GPC3: variants seen among roughly 807,000 people sequenced by gnomAD.
GPC3 encodes glypican 3, also known as glypican-3.
A neutral mutation model predicts 34.4 loss-of-function variants in GPC3; 3 were observed. The ratio of observed to expected loss-of-function variants is 0.09; its 90% CI spans 0.04 to 0.23. The LOEUF is 0.23. GPC3 is among the 10% of genes least tolerant of loss of function. The pLI is 1.00. For synonymous variants in GPC3, 177 were observed against 174.0 expected (o/e 1.02, Z -0.13); for missense variants, 351 against 445.6 (o/e 0.79, Z 1.91).
At chrX:133,678,712 G>A (rs2124417573) in intron 5 of GPC3, among the ~76,000 whole-genome samples, 1 of 112,052 alleles carries the variant, frequency 8.9e-6, no homozygotes, top group Non-Finnish European at 1.9e-5. Flanking sequence ...GTTTGAAAAA[G>A]CTGGGTTATC....
intron 3 of GPC3, among the ~76,000 whole-genome samples, chrX:133,726,383 G>A (rs2071407915): frequency 9.0e-6 from 1 of 111,660 alleles, no homozygotes; most frequent in South Asian, 3.8e-4. Context: ...CACTGAAAAA[G>A]CAAATAATGA....
chrX:133,780,108 C>G (rs1341868635), intron 2 of GPC3, among the ~76,000 whole-genome samples: 1 of 111,414 alleles, frequency 9.0e-6, no homozygotes, highest in Non-Finnish European at 1.9e-5. Flanking sequence ...AGACGCCATG[C>G]TAGGAGGTTT....
At chrX:133,969,273 A>C (rs909210374) in intron 1 of GPC3, among the ~76,000 whole-genome samples, 2 of 111,692 alleles carry the variant, frequency 1.8e-5, no homozygotes, top group South Asian at 7.6e-4. Context: ...TCAATTATCC[A>C]GTAAACTGAA....
At chrX:133,881,118 C>G (rs372818077) in intron 2 of GPC3, among the ~76,000 whole-genome samples, 26 of 112,220 alleles carry the variant, frequency 2.3e-4, no homozygotes, top group East Asian at 2.0e-3. Flanking sequence ...TGGAATGAAG[C>G]CTTAAACCCC....
intron 6 of GPC3, among the ~76,000 whole-genome samples, chrX:133,612,201 G>T (rs2070119714): frequency 8.9e-6 from 1 of 111,744 alleles, no homozygotes; most frequent in African/African-American, 3.3e-5. Flanking sequence ...CTGTTTCTAG[G>T]TATGCCCGCC....
At chrX:133,839,463 AT>A (rs1284669019) in intron 2 of GPC3, among the ~76,000 whole-genome samples, 1 of 111,559 alleles carries the variant, frequency 9.0e-6, no homozygotes, top group Admixed American at 9.5e-5. Context: ...AATATACACA[AT>A]TTTTTTGGTC....
At chrX:133,558,821 T>G (rs1174055459) in intron 7 of GPC3, among the ~76,000 whole-genome samples, 1 of 107,278 alleles carries the variant, frequency 9.3e-6, no homozygotes, top group Non-Finnish European at 1.9e-5. Context: ...ATCCGGGAGG[T>G]GGAGGTTGCA....
intron 4 of GPC3, among the ~76,000 whole-genome samples, chrX:133,696,698 A>AG (rs1173514254): frequency 8.9e-6 from 1 of 112,250 alleles, no homozygotes. Context: ...GGGAAAAAAA[A>AG]GAGGATAGAA....
At chrX:133,724,227 G>T (rs1356135372) in intron 3 of GPC3, among the ~76,000 whole-genome samples, 1 of 112,037 alleles carries the variant, frequency 8.9e-6, no homozygotes, top group Non-Finnish European at 1.9e-5. Flanking sequence ...GCGTTTGCTC[G>T]CAGTCTTTAC....
In GPC3 at chrX:133,546,662, C is replaced by T. The variant is rs1470965244; in HGVS notation, c.1574-10369G>A. On this transcript the variant is annotated intron_variant, in intron 7 of 7. Coordinates refer to ENST00000370818, the MANE Select transcript of GPC3 (RefSeq NM_004484.4). The stretch of plus-strand genomic sequence containing the variant: ...ACAACATTGTAAATGAAATTAACAC[C>T]ACTGAATTGTATACTTTAAAATGGT... Among the ~76,000 whole-genome samples, 3 of 111,489 alleles carry T rather than the reference C, an allele frequency of 2.7e-5. No homozygotes were observed. The East Asian group carries it at 8.5e-4, about 31-fold the overall frequency.
rs2267507 is a variant in GPC3 at position 133,788,311 on chromosome X, A to C, written c.338-34135T>G. ...GAAAAGACCTAGAAGGTGGAGAGATATAAAAACTTGAGCTTAAAGAGCTAT... is the reference window on the plus strand; with the variant it reads ...GAAAAGACCTAGAAGGTGGAGAGATCTAAAAACTTGAGCTTAAAGAGCTAT... On this transcript the variant is annotated intron_variant, in intron 2 of 7. Transcript: ENST00000370818. Among the ~76,000 whole-genome samples the C allele has an allele frequency of 9.3e-5, 10 of 107,432 alleles. No homozygotes were observed. In the East Asian group the frequency reaches 3.0e-3, roughly 32 times the overall value. 93.3% of individuals were successfully genotyped at this position (107,432 alleles called of 115,157 possible). A position where few individuals can be genotyped will look rare whatever the true frequency, so the allele number is the denominator to read the frequency against.
At chrX:133,890,668 C>T (rs1376403223) in intron 2 of GPC3, among the ~76,000 whole-genome samples, 1 of 109,633 alleles carries the variant, frequency 9.1e-6, no homozygotes, top group East Asian at 2.8e-4. Context: ...GACCAGACTG[C>T]CCAAAATGGT....
chrX:133,638,263 C>T (rs773285545), intron 6 of GPC3, among the ~76,000 whole-genome samples: 1 of 111,808 alleles, frequency 8.9e-6, no homozygotes, highest in Admixed American at 9.5e-5. Flanking sequence ...AAGAGAAAAA[C>T]CGATTACCTG....
intron 2 of GPC3, among the ~76,000 whole-genome samples, chrX:133,815,630 A>T (rs2075687944): frequency 8.9e-6 from 1 of 112,446 alleles, no homozygotes; most frequent in African/African-American, 3.2e-5. Flanking sequence ...CCAATTTTTC[A>T]AGAGACCTGA....
chrX:133,983,814 C>T (rs2076552007), intron 1 of GPC3, among the ~76,000 whole-genome samples: 2 of 111,918 alleles, frequency 1.8e-5, no homozygotes, highest in East Asian at 5.6e-4. Context: ...CCTGCACATG[C>T]CCACGTGGTA....
intron 5 of GPC3, among the ~76,000 whole-genome samples, chrX:133,688,155 G>C (rs374070806): frequency 2.7e-5 from 3 of 112,211 alleles, no homozygotes; most frequent in Admixed American, 9.4e-5. Flanking sequence ...TCTGTAGTTT[G>C]ACAAAGGCAG....
chrX:133,908,538 C>T (rs2076181360), intron 2 of GPC3, among the ~76,000 whole-genome samples: 1 of 111,761 alleles, frequency 8.9e-6, no homozygotes, highest in Admixed American at 9.5e-5. Context: ...AAAGTAAAAG[C>T]TAATTATCCC....
chrX:133,884,676 G>C (rs1425490677), intron 2 of GPC3, among the ~76,000 whole-genome samples: 1 of 111,341 alleles, frequency 9.0e-6, no homozygotes, highest in Non-Finnish European at 1.9e-5. Context: ...GAGAACTTCA[G>C]GAATATTAAC....
rs1176444823 is a variant in GPC3, at chrX:133,661,733, G to C, written c.1410C>G (p.Asn470Lys). The C allele has an allele frequency of 4.4e-6, 5 of 1,140,899 alleles. No homozygotes were observed. In the South Asian group the frequency reaches 9.1e-5, roughly 21 times the overall value. 94.0% of individuals were successfully genotyped at this position (1,140,899 alleles called of 1,213,427 possible). ...TTATTTTTTATATTCCACATACCTG[G>C]TTAATGTGCTTCAGTTTGTCAATAA... ...SQIIDKLKHI[N>K]QLLRTMSMPK... The change falls in exon 6 of 8, where the codon AAC becomes AAG. Residue 470 changes from asparagine to lysine, a missense_variant. By Grantham distance (94) the Asn-to-Lys change is moderately conservative (BLOSUM62 0). Coordinates refer to ENST00000370818, the MANE Select transcript of GPC3 (RefSeq NM_004484.4).
Sources: allele counts gnomAD v4.1 joint callset (sites outside exome capture counted in the v4.1 genomes callset), GRCh38; gene constraint gnomAD v4.1.1; transcripts MANE v1.5; gene names NCBI Gene and HGNC (gene_info 2026-07-23, HGNC 2026-07-21).